SACS: variants seen among roughly 807,000 people sequenced by gnomAD.
The protein encoded by SACS is sacsin molecular chaperone.
SACS carries 197 observed loss-of-function variants against 348.0 expected under a neutral mutation model. That is an observed-to-expected ratio of 0.57 (90% CI 0.50 to 0.64). The LOEUF (loss-of-function observed/expected upper bound fraction) is 0.64. Ranked by LOEUF, SACS falls within the 30% of genes least tolerant of loss-of-function variation. The pLI is 0.00. For synonymous variants in SACS, 1,985 were observed against 1,910.6 expected, an observed-to-expected ratio of 1.04 and a Z score of -1.02; for missense variants, 4,999 against 5,360.8, an observed-to-expected ratio of 0.93 and a Z score of 2.11.
chr13:23,354,422 T>A, intron 8 of SACS, 97 bp downstream of exon 8: 4 of 1,062,032 alleles, frequency 3.8e-6, no homozygotes, highest in Non-Finnish European at 2.9e-6. Flanking sequence ...AAAATCGACA[T>A]AGAAAACCAT....
chr13:23,368,813 C>T (rs1258083065), intron 4 of SACS, among the ~76,000 whole-genome samples: 1 of 152,172 alleles, frequency 6.6e-6, no homozygotes, highest in Non-Finnish European at 1.5e-5. Flanking sequence ...ATTCTCCTGC[C>T]TCAGCCTCCC....
Position 23,333,613 on chromosome 13 carries a change from T to C in SACS, c.10263A>G (p.Val3421=), listed in dbSNP as rs1883632172. 1.2e-6 allele frequency: 2 copies of C among 1,613,676 alleles called. No homozygotes were observed. The highest frequency in any genetic ancestry group is 1.7e-6 in the Non-Finnish European group (2 of 1,179,774). ...AGCATGTTCCAAATTTTCCAATGCTTACATAGCGGCCACTGATGGATTTAT... is the reference window on the plus strand; with the variant it reads ...AGCATGTTCCAAATTTTCCAATGCTCACATAGCGGCCACTGATGGATTTAT... ...PCYKSISGRY[V]SIGKFGTCYV... is the part of the protein sequence containing the mutation. Residue 3421 remains valine (V), a synonymous_variant, in exon 10 of 10, where the codon GTA becomes GTG. Coordinates refer to ENST00000382292, the MANE Select transcript of SACS (RefSeq NM_014363.6).
At chr13:23,421,926 C>T (rs1803106994) in intron 1 of SACS, among the ~76,000 whole-genome samples, 1 of 151,690 alleles carries the variant, frequency 6.6e-6, no homozygotes, top group African/African-American at 2.4e-5. Context: ...CAACGGGGGC[C>T]CATGTGTCAA....
chr13:23,357,909 A>G (rs992861868), intron 7 of SACS, among the ~76,000 whole-genome samples: 1 of 152,246 alleles, frequency 6.6e-6, no homozygotes, highest in Middle Eastern at 3.2e-3. Flanking sequence ...CAGTTATTCA[A>G]TACCATTAGA....
At chr13:23,351,424 G>A (rs150610512) in intron 9 of SACS, among the ~76,000 whole-genome samples, 2,101 of 152,224 alleles carry the variant, frequency 0.014, 51 homozygotes, top group African/African-American at 0.049. Context: ...CATAGGGGTG[G>A]TGTTCTCGTG....
At chr13:23,384,631 T>G (rs557122509) in intron 2 of SACS, among the ~76,000 whole-genome samples, 33 of 152,192 alleles carry the variant, frequency 2.2e-4, no homozygotes, top group Non-Finnish European at 4.6e-4. Flanking sequence ...AAGGAAGAGA[T>G]GCACCCATTC....
intron 5 of SACS, among the ~76,000 whole-genome samples, chr13:23,366,317 G>A (rs1871058819): frequency 6.6e-6 from 1 of 152,210 alleles, no homozygotes; most frequent in Non-Finnish European, 1.5e-5. Flanking sequence ...AGTTCACCCA[G>A]TGCATCCCAA....
rs749383532 is a variant in SACS at position 23,330,849 on chromosome 13, C to T, written c.13027G>A (p.Glu4343Lys). Residue 4343 changes from glutamate (E) to lysine (K), a missense_variant, in exon 10 of 10, where the codon GAG becomes AAG. Glu to Lys is a moderately conservative substitution (Grantham distance 56). This residue lies in a region of SACS where 254 missense variants were observed against 275.1 expected (regional missense o/e 0.92). Transcript: ENST00000382292. ...ACTTCATTGGCAATGTCATGGTTCTCTGGATTTTTGTCAGGATGCCATTTC... is the reference window on the plus strand; with the variant it reads ...ACTTCATTGGCAATGTCATGGTTCTTTGGATTTTTGTCAGGATGCCATTTC... ...YLKWHPDKNP[E>K]NHDIANEVFK... 104 of 1,613,950 alleles carry T rather than the reference C, an allele frequency of 6.4e-5. 1 individual carries two copies. Among genetic ancestry groups the T allele is most frequent in the Admixed American group, 1.3e-4 (8 of 60,008 alleles).
In SACS at chr13:23,333,935, T is replaced by C; in HGVS notation, c.9941A>G (p.Asn3314Ser). ...ATGAAAAACTTTATCACTCTGGGCA[T>C]TTGGAAAAACTGCAATGTGCATAAG... ...LSLMHIAVFP[N>S]AQSDKVFHAL... The change falls in exon 10 of 10, where the codon AAT (asparagine) becomes AGT (serine). Residue 3314 changes from asparagine to serine, a missense_variant. By Grantham distance (46) the Asn-to-Ser change is conservative (BLOSUM62 1). Coordinates refer to ENST00000382292, the MANE Select transcript of SACS (RefSeq NM_014363.6). 1 of 1,613,828 alleles carries C rather than the reference T, an allele frequency of 6.2e-7. No individual in the cohort carries two copies. Among genetic ancestry groups the C allele is most frequent in the Non-Finnish European group, 8.5e-7 (1 of 1,179,830 alleles).
intron 4 of SACS, among the ~76,000 whole-genome samples, chr13:23,370,379 T>C (rs1871309018): frequency 6.6e-6 from 1 of 152,240 alleles, no homozygotes; most frequent in Non-Finnish European, 1.5e-5. Flanking sequence ...AAACTATCAT[T>C]GTCAGTGCCA....
rs1361636811 is a variant in SACS at position 23,336,748 on chromosome 13, A to G, written c.7128T>C (p.Asn2376=). 2.5e-6 allele frequency: 4 copies of G among 1,613,900 alleles called. No homozygotes were observed. Among genetic ancestry groups the G allele is most frequent in the Non-Finnish European group, 3.4e-6 (4 of 1,179,872 alleles). ...EAAPYLYQLP[N]KYKNNFRELF... ...GTTCGCGGAAATTATTTTTATACTTATTAGGCAACTGATAAAGGTATGGTG... is the reference window on the plus strand; with the variant it reads ...GTTCGCGGAAATTATTTTTATACTTGTTAGGCAACTGATAAAGGTATGGTG... The change falls in exon 10 of 10, where the codon AAT becomes AAC. Residue 2376 remains asparagine (N), a synonymous_variant. Coordinates refer to ENST00000382292, the MANE Select transcript of SACS (RefSeq NM_014363.6).
chr13:23,409,674 A>T (rs115860895), intron 2 of SACS, among the ~76,000 whole-genome samples: 1,545 of 152,166 alleles, frequency 0.01, 20 homozygotes, highest in African/African-American at 0.035. Context: ...GTATTTTTTT[A>T]AAAAAGACTG....
At chr13:23,388,509 A>G (rs1872397971) in intron 2 of SACS, among the ~76,000 whole-genome samples, 1 of 147,508 alleles carries the variant, frequency 6.8e-6, no homozygotes, top group African/African-American at 2.5e-5. Flanking sequence ...ATATATATAT[A>G]CACACACATA....
In SACS at chr13:23,334,766, T is replaced by A; in HGVS notation, c.9110A>T (p.His3037Leu). 2.5e-6 allele frequency: 4 copies of A among 1,613,772 alleles called. No homozygotes were observed. The highest frequency in any genetic ancestry group is 3.4e-6 in the Non-Finnish European group (4 of 1,179,760). The change falls in exon 10 of 10, where the codon CAC (histidine) becomes CTC (leucine). Residue 3037 changes from histidine (H) to leucine (L), a missense_variant. His to Leu is a moderately conservative substitution (Grantham distance 99). Around this residue, in one of 6 missense-constraint regions of SACS, gnomAD observed 734 missense variants for 694.0 expected, o/e 1.06. Transcript: ENST00000382292. ...GATATTATAATCTGCATTTTTAAGG[T>A]GTTGTAATTCATCCTGTAGTAAATT... Reference protein sequence around the residue: ...FDNLLQDELQHLKNADYNITT... With the variant: ...FDNLLQDELQLLKNADYNITT...
In SACS at chr13:23,385,141, CA is replaced by C. The variant is rs71185074; in HGVS notation, c.21-9873del. Among the ~76,000 whole-genome samples, 341 of 135,064 alleles carry C rather than the reference CA, an allele frequency of 2.5e-3. 1 individual carries two copies. Among genetic ancestry groups the C allele is most frequent in the Non-Finnish European group, 3.3e-3 (207 of 62,424 alleles). 88.6% of individuals were successfully genotyped at this position (135,064 alleles called of 152,430 possible). ...TGGGCGACAGAGGGAGACTCTGTCT[CA>C]AAAAAAAAAAAAAGTTTTATCATGA... On this transcript the variant is annotated intron_variant, in intron 2 of 9. Coordinates refer to ENST00000382292, the MANE Select transcript of SACS (RefSeq NM_014363.6).
rs555927628 is a variant in SACS at position 23,331,018 on chromosome 13, G to A, written c.12858C>T (p.His4286=). 1.3e-5 allele frequency: 21 copies of A among 1,614,130 alleles called. No homozygotes were observed. In the South Asian group the frequency reaches 1.6e-4, roughly 13 times the overall value. The part of the protein sequence containing the change: ...IPPLFSGRES[H]KTSSKHQSPK... ...GGGACTGATGTTTGGAAGAAGTCTT[G>A]TGGCTCTCTCTACCAGAGAAAAGAG... Residue 4286 remains histidine (H), a synonymous_variant, in exon 10 of 10, where the codon CAC becomes CAT. Transcript: ENST00000382292.
chr13:23,391,654 C>A (rs1872530419), intron 2 of SACS, among the ~76,000 whole-genome samples: 1 of 152,184 alleles, frequency 6.6e-6, no homozygotes, highest in Admixed American at 6.5e-5. Flanking sequence ...CTACTTTCCC[C>A]AAGTTCCAGG....
At position 23,402,491 on chromosome 13, in the gene SACS, A is replaced by T. The variant is rs138572750; in HGVS notation, c.20+8729T>A. Among the ~76,000 whole-genome samples, 714 of 152,316 alleles carry T rather than the reference A, an allele frequency of 4.7e-3. 7 individuals carry two copies. Among genetic ancestry groups the T allele is most frequent in the African/African-American group, 0.016 (652 of 41,574 alleles). On this transcript the variant is annotated intron_variant, in intron 2 of 9. Coordinates refer to ENST00000382292, the MANE Select transcript of SACS (RefSeq NM_014363.6). ...TAATCCCTCCAGAATTCAGAAACTCATCTTCATAGTTATATATTTATTTGC... is the reference window on the plus strand; with the variant it reads ...TAATCCCTCCAGAATTCAGAAACTCTTCTTCATAGTTATATATTTATTTGC...
At position 23,335,552 on chromosome 13, in the gene SACS, A is replaced by G. The variant is rs770220018; in HGVS notation, c.8324T>C (p.Leu2775Ser). 6.2e-7 allele frequency: 1 copy of G among 1,613,668 alleles called. No individual in the cohort carries two copies. Among genetic ancestry groups the G allele is most frequent in the Admixed American group, 1.7e-5 (1 of 59,980 alleles). Residue 2775 changes from leucine to serine, a missense_variant, in exon 10 of 10, where the codon TTG (leucine) becomes TCG (serine). Leu to Ser is a moderately radical substitution (Grantham distance 145). Transcript: ENST00000382292. The surrounding 1 kb of genome is among the most constrained non-coding windows in gnomAD (Gnocchi z 4.7). ...VKGKITDGDR[L>S]KRKQFHASVI... ...AGATGCATGAAATTGTTTCCTTTTC[A>G]ATCTGTCTCCATCTGTGATTTTGCC...
Sources: allele counts gnomAD v4.1 joint callset (sites outside exome capture counted in the v4.1 genomes callset), GRCh38; gene constraint gnomAD v4.1.1; regional missense constraint gnomAD v4.1.1; non-coding constraint Gnocchi (gnomAD v3.1); transcripts MANE v1.5; gene names NCBI Gene and HGNC (gene_info 2026-07-23, HGNC 2026-07-21).